The following CCNY variants were observed in gnomAD, a reference collection of about 807,000 sequenced individuals.
CCNY encodes cyclin-Y.
A neutral mutation model predicts 42.8 loss-of-function variants in CCNY; 19 were observed. That is an observed-to-expected ratio of 0.44 (90% CI 0.31 to 0.65). CCNY has a LOEUF of 0.65. Ranked by LOEUF, CCNY falls within the 30% of genes least tolerant of loss-of-function variation. The pLI is 0.07. For missense variants in CCNY, 370 were observed against 437.3 expected (o/e 0.85, Z 1.37); for synonymous variants, 165 against 162.7 (o/e 1.01, Z -0.11).
In CCNY at chr10:35,383,082, G is replaced by A. The variant is rs142972620; in HGVS notation, c.154+45875G>A. Among the ~76,000 whole-genome samples the A allele has an allele frequency of 3.5e-3, 536 of 152,206 alleles. 5 individuals carry two copies. The highest frequency in any genetic ancestry group is 0.013 in the African/African-American group (523 of 41,524). ...CAATATTTCGGGATGCAAAACCTGCGTGACCAAGAACTGCCTTTTTCTGTA... is the reference window on the plus strand; with the variant it reads ...CAATATTTCGGGATGCAAAACCTGCATGACCAAGAACTGCCTTTTTCTGTA... On this transcript the variant is annotated intron_variant, in intron 1 of 9. Coordinates refer to ENST00000374704, the MANE Select transcript of CCNY (RefSeq NM_145012.6).
chr10:35,479,450 T>C (rs1228855262), intron 1 of CCNY, among the ~76,000 whole-genome samples: 3 of 143,566 alleles, frequency 2.1e-5, no homozygotes, highest in Non-Finnish European at 4.6e-5. Flanking sequence ...GTTCATGTCC[T>C]TTGTAGGGAC....
chr10:35,319,542 A>G (rs1201637072), intron 3 of CCNY, among the ~76,000 whole-genome samples: 2 of 152,192 alleles, frequency 1.3e-5, no homozygotes, highest in Non-Finnish European at 2.9e-5. Flanking sequence ...AAAATGGACA[A>G]ATTGGTTGAA....
chr10:35,470,836 C>T (rs933429993), intron 1 of CCNY, among the ~76,000 whole-genome samples: 2 of 152,170 alleles, frequency 1.3e-5, no homozygotes, highest in African/African-American at 4.8e-5. Context: ...GATTGTGAGG[C>T]AGTGGCAGGG....
At chr10:35,500,184 C>T (rs4934550) in intron 2 of CCNY, among the ~76,000 whole-genome samples, 41,464 of 152,220 alleles carry the variant, frequency 0.27, 5,991 homozygotes, top group East Asian at 0.34. Flanking sequence ...GGGGGCTGAT[C>T]GCCTGCACAT....
At chr10:35,370,873 G>T (rs956328898) in intron 1 of CCNY, among the ~76,000 whole-genome samples, 4 of 151,540 alleles carry the variant, frequency 2.6e-5, no homozygotes, top group African/African-American at 9.7e-5. Flanking sequence ...CTGCCACCAC[G>T]CCCGGCTAAT....
intron 7 of CCNY, among the ~76,000 whole-genome samples, chr10:35,535,291 CAGT>C (rs1840861693): frequency 6.6e-6 from 1 of 151,950 alleles, no homozygotes; most frequent in Non-Finnish European, 1.5e-5. Context: ...ATTCTCTGAA[CAGT>C]AGTCTCTAGA....
At chr10:35,566,280 A>G (rs143733397) in intron 9 of CCNY, 95 bp downstream of exon 9, 1 of 1,231,366 alleles carries the variant, frequency 8.1e-7, no homozygotes, top group Non-Finnish European at 1.1e-6. Context: ...CATTTCCCCC[A>G]CTACATGATG....
At position 35,264,988 on chromosome 10, in the gene CCNY, C is replaced by T. The variant is rs555806958; in HGVS notation, c.-9+14362C>T. Among the ~76,000 whole-genome samples the T allele has an allele frequency of 6.3e-4, 96 of 152,172 alleles. 1 individual carries two copies. The highest frequency in any genetic ancestry group is 2.3e-3 in the African/African-American group (96 of 41,514). On this transcript the variant is annotated intron_variant, in intron 3 of 11. Transcript: ENST00000374706. ...TTGTTTTTTCTTGTAAATTTAAGTT[C>T]CTTGTAGACTCTGGATATTAGACCA...
intron 1 of CCNY, among the ~76,000 whole-genome samples, chr10:35,406,934 C>T (rs558194838): frequency 2.6e-5 from 4 of 152,216 alleles, no homozygotes; most frequent in South Asian, 4.1e-4. Flanking sequence ...TTTCTAATGT[C>T]GGGAGCGGAT....
chr10:35,375,725 A>G (rs1405529218), intron 1 of CCNY, among the ~76,000 whole-genome samples: 1 of 152,162 alleles, frequency 6.6e-6, no homozygotes, highest in African/African-American at 2.4e-5. Flanking sequence ...TACCCTTGGG[A>G]TTCTGGAGCA....
At chr10:35,517,406 T>G (rs571413301) in intron 4 of CCNY, among the ~76,000 whole-genome samples, 1 of 152,298 alleles carries the variant, frequency 6.6e-6, no homozygotes, top group African/African-American at 2.4e-5. Context: ...AAATCTGAAT[T>G]TTATCTCTAT....
chr10:35,425,499 G>C (rs114201159), intron 1 of CCNY, among the ~76,000 whole-genome samples: 1 of 152,308 alleles, frequency 6.6e-6, no homozygotes, highest in Non-Finnish European at 1.5e-5. Context: ...TAGAATATTA[G>C]TTGAGTTATG....
At chr10:35,278,375 C>A (rs1440747734) in intron 3 of CCNY, among the ~76,000 whole-genome samples, 2 of 151,822 alleles carry the variant, frequency 1.3e-5, no homozygotes, top group Non-Finnish European at 2.9e-5. Context: ...GAAAGTCAGT[C>A]CCTGAACTGC....
chr10:35,403,760 C>T (rs371722825), intron 1 of CCNY, among the ~76,000 whole-genome samples: 9 of 152,200 alleles, frequency 5.9e-5, no homozygotes, highest in South Asian at 4.2e-4. Flanking sequence ...GCAATGAGTT[C>T]GGCTTGCTGA....
chr10:35,377,014 G>C (rs1837067173), intron 1 of CCNY, among the ~76,000 whole-genome samples: 2 of 152,214 alleles, frequency 1.3e-5, no homozygotes, highest in Admixed American at 1.3e-4. Context: ...AAAAACCACT[G>C]AATTGTACAG....
At chr10:35,486,305 T>C (rs1229384130) in intron 2 of CCNY, among the ~76,000 whole-genome samples, 2 of 152,192 alleles carry the variant, frequency 1.3e-5, no homozygotes, top group Admixed American at 6.5e-5. Flanking sequence ...ACCATGGAAA[T>C]TGGTAAATGC....
intron 3 of CCNY, among the ~76,000 whole-genome samples, chr10:35,287,817 A>G (rs1835371275): frequency 6.6e-6 from 1 of 152,180 alleles, no homozygotes; most frequent in Non-Finnish European, 1.5e-5. Flanking sequence ...TAAAAGATAC[A>G]GCTAATTTTT....
intron 7 of CCNY, among the ~76,000 whole-genome samples, chr10:35,551,467 T>G (rs1424803353): frequency 6.6e-6 from 1 of 152,248 alleles, no homozygotes; most frequent in Non-Finnish European, 1.5e-5. Flanking sequence ...TGAATAATTA[T>G]AACATTAATG....
At chr10:35,247,243 TGCA>T (rs1282510340) in intron 1 of CCNY, 1 of 152,880 alleles carries the variant, frequency 6.5e-6, no homozygotes, top group Non-Finnish European at 1.5e-5. Flanking sequence ...TAGCAGAGAC[TGCA>T]GCCAGGAGAC....
Sources: allele counts gnomAD v4.1 joint callset (sites outside exome capture counted in the v4.1 genomes callset), GRCh38; gene constraint gnomAD v4.1.1; transcripts MANE v1.5; gene names NCBI Gene and HGNC (gene_info 2026-07-23, HGNC 2026-07-21).